SOX5: variants seen among roughly 807,000 people sequenced by gnomAD.
SOX5 encodes the protein SRY-box transcription factor 5.
In SOX5, 9 loss-of-function variants were observed where a neutral mutation model predicts 92.0. That is an observed-to-expected ratio of 0.10 (90% CI 0.06 to 0.17). The LOEUF (loss-of-function observed/expected upper bound fraction) is 0.17, where lower values mean the gene tolerates loss of function less well. SOX5 is among the 10% of genes least tolerant of loss of function. The pLI, the probability that SOX5 is intolerant of heterozygous loss-of-function variation, is 1.00. For synonymous variants in SOX5, 344 were observed against 336.3 expected (o/e 1.02, Z -0.25); for missense variants, 642 against 944.5 (o/e 0.68, Z 4.20).
chr12:23,780,048 T>C (rs2095242378), intron 3 of SOX5, among the ~76,000 whole-genome samples: 1 of 150,334 alleles, frequency 6.7e-6, no homozygotes, highest in Admixed American at 6.6e-5. Flanking sequence ...TACAAGCACC[T>C]TTCCCTAATC....
chr12:23,956,015 T>A (rs753207220), upstream of SOX5, among the ~76,000 whole-genome samples: 3 of 152,176 alleles, frequency 2.0e-5, no homozygotes, highest in Non-Finnish European at 4.4e-5. Context: ...TCAGAGAGGT[T>A]TTCCCACCGT....
chr12:23,650,568 C>T (rs546888016), intron 7 of SOX5, among the ~76,000 whole-genome samples: 3 of 152,104 alleles, frequency 2.0e-5, no homozygotes, highest in Non-Finnish European at 4.4e-5. Flanking sequence ...TCTCATGTTG[C>T]TTTCTTTCAT....
intron 4 of SOX5, among the ~76,000 whole-genome samples, chr12:24,147,832 G>A (rs148550423): frequency 2.6e-5 from 4 of 151,950 alleles, no homozygotes; most frequent in Admixed American, 1.3e-4. Flanking sequence ...AAAACCTAAG[G>A]ATTAATCTAA....
intron 1 of SOX5, among the ~76,000 whole-genome samples, chr12:24,455,152 T>A (rs977285140): frequency 2.0e-5 from 3 of 152,176 alleles, no homozygotes; most frequent in African/African-American, 7.2e-5. Flanking sequence ...ATAAAATACC[T>A]TCCCTGCAGG....
chr12:24,530,865 A>G (rs1405621932), intron 1 of SOX5, among the ~76,000 whole-genome samples: 6 of 152,326 alleles, frequency 3.9e-5, no homozygotes, highest in Admixed American at 6.5e-5. Context: ...GAGAATTCCA[A>G]AAATCTCTGG....
chr12:24,522,378 A>G (rs1430483343), intron 1 of SOX5, among the ~76,000 whole-genome samples: 7 of 152,104 alleles, frequency 4.6e-5, no homozygotes, highest in Non-Finnish European at 1.0e-4. Flanking sequence ...AAACATTTCC[A>G]AAAAATTGAA....
intron 4 of SOX5, among the ~76,000 whole-genome samples, chr12:24,130,903 C>G (rs1255068864): frequency 3.9e-5 from 6 of 152,194 alleles, no homozygotes; most frequent in African/African-American, 1.4e-4. Flanking sequence ...GCTCCATATT[C>G]CTACCTAGGA....
At chr12:23,972,377 A>G (rs746660620) in intron 4 of SOX5, among the ~76,000 whole-genome samples, 7 of 152,080 alleles carry the variant, frequency 4.6e-5, no homozygotes, top group Non-Finnish European at 7.4e-5. Context: ...TTTTGTTTTT[A>G]GATGGAGTCT....
chr12:23,876,872 T>C (rs1568550400), intron 2 of SOX5, among the ~76,000 whole-genome samples: 1 of 152,172 alleles, frequency 6.6e-6, no homozygotes, highest in Non-Finnish European at 1.5e-5. Context: ...GAAACCATAA[T>C]TCTCAGCAAA....
chr12:23,834,850 T>A (rs1278951853), intron 3 of SOX5, among the ~76,000 whole-genome samples: 1 of 151,842 alleles, frequency 6.6e-6, no homozygotes, highest in Non-Finnish European at 1.5e-5. Context: ...GAAACTTAAC[T>A]GTGTGAATAA....
At chr12:23,635,254 G>A (rs186553124) in intron 8 of SOX5, among the ~76,000 whole-genome samples, 177 of 152,244 alleles carry the variant, frequency 1.2e-3, no homozygotes, top group African/African-American at 4.2e-3. Flanking sequence ...ATTCCAGGAA[G>A]AGAAAACACC....
intron 1 of SOX5, among the ~76,000 whole-genome samples, chr12:23,911,334 C>G (rs1186956763): frequency 2.0e-5 from 3 of 151,940 alleles, no homozygotes; most frequent in Non-Finnish European, 4.4e-5. Flanking sequence ...TGTGACATCT[C>G]AAGAGATGTT....
At chr12:24,087,671 C>A (rs965173018) in intron 4 of SOX5, among the ~76,000 whole-genome samples, 1 of 152,030 alleles carries the variant, frequency 6.6e-6, no homozygotes, top group South Asian at 2.1e-4. Context: ...TAAGGCATAA[C>A]CCTGGCTTGT....
chr12:24,562,303 AAC>A (rs1168473481), intron 1 of SOX5: 1 of 152,238 alleles, frequency 6.6e-6, no homozygotes, highest in Non-Finnish European at 1.5e-5. Flanking sequence ...CGGGACGAAC[AAC>A]AAAGTTAAAA....
chr12:23,857,323 G>A (rs1288325155), intron 2 of SOX5, among the ~76,000 whole-genome samples: 1 of 152,100 alleles, frequency 6.6e-6, no homozygotes, highest in Admixed American at 6.6e-5. Flanking sequence ...TCTAGCAGTG[G>A]TATGTAGAAT....
intron 2 of SOX5, among the ~76,000 whole-genome samples, chr12:24,328,414 T>C (rs1169949065): frequency 6.6e-6 from 1 of 152,236 alleles, no homozygotes; most frequent in Non-Finnish European, 1.5e-5. Flanking sequence ...CTGAAATCCC[T>C]GCCAAGCACA....
chr12:23,738,882 TG>T (rs2093698461), intron 5 of SOX5, among the ~76,000 whole-genome samples: 2 of 152,126 alleles, frequency 1.3e-5, no homozygotes, highest in South Asian at 4.1e-4. Flanking sequence ...TCTTTTATCA[TG>T]GGGATAAAGC....
intron 4 of SOX5, among the ~76,000 whole-genome samples, chr12:24,149,782 G>A (rs1244257939): frequency 2.0e-5 from 3 of 152,084 alleles, no homozygotes; most frequent in African/African-American, 7.2e-5. Flanking sequence ...ATCAACAGAT[G>A]AATAAAACTG....
chr12:23,609,896 T>C (rs2075747792), intron 8 of SOX5, among the ~76,000 whole-genome samples: 1 of 152,192 alleles, frequency 6.6e-6, no homozygotes, highest in African/African-American at 2.4e-5. Flanking sequence ...GTTTTTCTTA[T>C]AATTTATTAT....
Sources: gnomAD v4.1 joint callset for allele counts (sites outside exome capture counted in the v4.1 genomes callset) on GRCh38, gnomAD v4.1.1 for gene constraint, MANE v1.5 for transcripts, NCBI Gene and HGNC (gene_info 2026-07-23, HGNC 2026-07-21) for gene names.